CACNA2D3: variants seen among roughly 807,000 people sequenced by gnomAD.
The protein encoded by CACNA2D3 is voltage-dependent calcium channel subunit alpha-2/delta-3.
CACNA2D3 carries 60 observed loss-of-function variants against 160.6 expected under a neutral mutation model. The observed-to-expected ratio is 0.37, with a 90% CI of 0.30 to 0.46. The LOEUF (loss-of-function observed/expected upper bound fraction) is 0.46, where lower values mean the gene tolerates loss of function less well. CACNA2D3 is among the 20% of genes least tolerant of loss of function. The pLI is 1.00. For synonymous variants in CACNA2D3, 558 were observed against 492.9 expected, an observed-to-expected ratio of 1.13 and a Z score of -1.75; for missense variants, 1,205 against 1,365.0, an observed-to-expected ratio of 0.88 and a Z score of 1.85.
intron 2 of CACNA2D3, among the ~76,000 whole-genome samples, chr3:54,176,211 A>G (rs566168020): frequency 2.6e-5 from 4 of 152,288 alleles, no homozygotes; most frequent in African/African-American, 4.8e-5. Flanking sequence ...GATTTGTCCT[A>G]TGTGCATACA....
chr3:54,351,108 A>G (rs1213240025), intron 3 of CACNA2D3, among the ~76,000 whole-genome samples: 1 of 150,178 alleles, frequency 6.7e-6, no homozygotes, highest in Non-Finnish European at 1.5e-5. Flanking sequence ...CAGCTTCTCA[A>G]GTAGCTGGGA....
At chr3:54,947,639 C>A (rs9811421) in intron 27 of CACNA2D3, among the ~76,000 whole-genome samples, 16,143 of 152,094 alleles carry the variant, frequency 0.11, 986 homozygotes, top group Non-Finnish European at 0.12. Context: ...GACTTAGTAG[C>A]AGGCAAAGGA....
intron 11 of CACNA2D3, among the ~76,000 whole-genome samples, chr3:54,664,382 C>T (rs1700027145): frequency 6.6e-6 from 1 of 152,194 alleles, no homozygotes; most frequent in Non-Finnish European, 1.5e-5. Flanking sequence ...CTACATGTTC[C>T]AAAATACTCT....
chr3:54,463,857 GAGTTTCC>G (rs1418478619), intron 4 of CACNA2D3, among the ~76,000 whole-genome samples: 72 of 152,324 alleles, frequency 4.7e-4, no homozygotes, highest in Non-Finnish European at 4.4e-5. Flanking sequence ...CTGCTTTTTA[GAGTTTCC>G]AGTTTTTCTG....
intron 21 of CACNA2D3, among the ~76,000 whole-genome samples, chr3:54,881,146 C>G (rs1261927905): frequency 6.6e-6 from 1 of 152,142 alleles, no homozygotes; most frequent in East Asian, 1.9e-4. Flanking sequence ...TCACAGTCAA[C>G]AGCATTATGG....
chr3:54,563,709 A>G (rs1281897427), intron 6 of CACNA2D3, among the ~76,000 whole-genome samples: 2 of 152,224 alleles, frequency 1.3e-5, no homozygotes, highest in Non-Finnish European at 2.9e-5. Flanking sequence ...AACCTAAAAG[A>G]AGGGGGAGAA....
intron 2 of CACNA2D3, among the ~76,000 whole-genome samples, chr3:54,218,664 G>T (rs147698810): frequency 9.2e-5 from 14 of 152,302 alleles, no homozygotes; most frequent in Admixed American, 2.6e-4. Context: ...AAAGCAACAT[G>T]AATTTATTAT....
chr3:54,461,188 T>G (rs929635693), intron 4 of CACNA2D3, among the ~76,000 whole-genome samples: 2 of 152,152 alleles, frequency 1.3e-5, no homozygotes, highest in African/African-American at 4.8e-5. Context: ...CAGTATTTGA[T>G]TGAGGATTTT....
chr3:54,184,972 G>T (rs1700855805), intron 2 of CACNA2D3, among the ~76,000 whole-genome samples: 1 of 152,178 alleles, frequency 6.6e-6, no homozygotes, highest in Admixed American at 6.5e-5. Flanking sequence ...GATTCATTTG[G>T]CGTTGTGTGA....
At chr3:54,634,941 C>T (rs900285073) in intron 10 of CACNA2D3, among the ~76,000 whole-genome samples, 2 of 151,956 alleles carry the variant, frequency 1.3e-5, no homozygotes, top group African/African-American at 4.9e-5. Flanking sequence ...GACATTCCTG[C>T]CTTCTTAATA....
At position 54,918,332 on chromosome 3, in the gene CACNA2D3, CTTTTTTT is replaced by C. The variant is rs533596688; in HGVS notation, c.2449+18481_2449+18487del. 1,356 of 227,344 alleles carry C rather than the reference CTTTTTTT, an allele frequency of 6.0e-3. 1 individual carries two copies. The highest frequency in any genetic ancestry group is 0.012 in the East Asian group (181 of 14,492). The allele number at this position is 227,344 out of a possible 1,614,324, so 14.1% of individuals were successfully genotyped here. Reference sequence around the variant, plus strand: ...TTTTACAGACACATCTTTTTTTTTTCTTTTTTTTTTTTTTTTTTTTTTTGTCTTTTGG... The same window carrying C: ...TTTTACAGACACATCTTTTTTTTTTCTTTTTTTTTTTTTTTTGTCTTTTGG... On this transcript the variant is annotated intron_variant, in intron 27 of 37. Coordinates refer to ENST00000474759, the MANE Select transcript of CACNA2D3 (RefSeq NM_018398.3).
chr3:54,654,360 C>G (rs1275195124), intron 11 of CACNA2D3, among the ~76,000 whole-genome samples: 1 of 152,126 alleles, frequency 6.6e-6, no homozygotes, highest in East Asian at 1.9e-4. Context: ...AGAAGTGCCA[C>G]TCAGTGTGGT....
intron 2 of CACNA2D3, among the ~76,000 whole-genome samples, chr3:54,183,084 C>T (rs527264396): frequency 1.3e-5 from 2 of 152,100 alleles, no homozygotes; most frequent in Non-Finnish European, 2.9e-5. Flanking sequence ...TCATTCCCCC[C>T]CCAAAATATT....
chr3:54,774,267 A>G (rs1702377163), intron 13 of CACNA2D3, among the ~76,000 whole-genome samples: 1 of 152,174 alleles, frequency 6.6e-6, no homozygotes, highest in Admixed American at 6.5e-5. Flanking sequence ...TTATAACGAA[A>G]AGAGGTTTAA....
chr3:54,414,112 A>C (rs370692400), intron 4 of CACNA2D3, among the ~76,000 whole-genome samples: 1 of 151,994 alleles, frequency 6.6e-6, no homozygotes, highest in East Asian at 1.9e-4. Flanking sequence ...ATTATTAAAG[A>C]GATGAAAAGG....
At chr3:54,821,503 T>C (rs17054426) in intron 14 of CACNA2D3, among the ~76,000 whole-genome samples, 2,187 of 152,276 alleles carry the variant, frequency 0.014, 34 homozygotes, top group African/African-American at 0.039. Context: ...TGGTCTCTTT[T>C]TCAGAATGGA....
chr3:54,184,113 T>G (rs1407658043), intron 2 of CACNA2D3, among the ~76,000 whole-genome samples: 1 of 152,070 alleles, frequency 6.6e-6, no homozygotes, highest in African/African-American at 2.4e-5. Flanking sequence ...ACATGTTGTT[T>G]TCTATCTCTT....
intron 13 of CACNA2D3, among the ~76,000 whole-genome samples, chr3:54,815,303 T>G (rs1703422535): frequency 6.6e-6 from 1 of 152,346 alleles, no homozygotes; most frequent in Admixed American, 6.5e-5. Context: ...GGAGTCTGCT[T>G]TTCATAGACA....
At position 54,763,861 on chromosome 3, in the gene CACNA2D3, A is replaced by ATATATACG. The variant is rs1467265690; in HGVS notation, c.1247-351_1247-350insCGTATATA. Among the ~76,000 whole-genome samples the ATATATACG allele has an allele frequency of 1.4e-3, 40 of 28,448 alleles. 4 individuals are homozygous for ATATATACG. The highest frequency in any genetic ancestry group is 6.7e-3 in the African/African-American group (37 of 5,508). 18.7% of individuals were successfully genotyped at this position (28,448 alleles called of 152,430 possible). A position where few individuals can be genotyped will look rare whatever the true frequency, so the allele number is the denominator to read the frequency against. On this transcript the variant is annotated intron_variant, in intron 12 of 37. Transcript: ENST00000474759. ...TATATATATGTACATATATATACAT[A>ATATATACG]TATATATACGTATATATATGTATAT...
Sources: gnomAD v4.1 joint callset for allele counts (sites outside exome capture counted in the v4.1 genomes callset) on GRCh38, gnomAD v4.1.1 for gene constraint, MANE v1.5 for transcripts, NCBI Gene and HGNC (gene_info 2026-07-23, HGNC 2026-07-21) for gene names.